The following RAPGEFL1 variants were observed in gnomAD, a reference collection of about 807,000 sequenced individuals.
RAPGEFL1 encodes the protein Rap guanine nucleotide exchange factor like 1.
RAPGEFL1 carries 31 observed loss-of-function variants against 64.4 expected under a neutral mutation model. The observed-to-expected ratio is 0.48, with a 90% confidence interval of 0.36 to 0.65. The LOEUF (loss-of-function observed/expected upper bound fraction) is 0.65. RAPGEFL1 is among the 30% of genes least tolerant of loss of function. The probability of loss-of-function intolerance (pLI) is 0.00; values close to 1 mark genes in which losing one functional copy is unlikely to be tolerated. For synonymous variants in RAPGEFL1, 331 were observed against 274.1 expected, an observed-to-expected ratio of 1.21 and a Z score of -2.05; for missense variants, 682 against 677.4, an observed-to-expected ratio of 1.01 and a Z score of -0.08.
At position 40,192,925 on chromosome 17, in the gene RAPGEFL1, G is replaced by A; in HGVS notation, c.1745-1G>A. On this transcript the variant is annotated splice_acceptor_variant, in intron 12 of 14. Transcript: ENST00000620260. LOFTEE classifies it high-confidence loss of function. ...CATTGGATTCTCTCCACATCCCCTAGACCTGACTTTCCTGCACGAAGGGAG... is the reference window on the plus strand; with the variant it reads ...CATTGGATTCTCTCCACATCCCCTAAACCTGACTTTCCTGCACGAAGGGAG... 1 of 1,611,942 alleles carries A rather than the reference G, an allele frequency of 6.2e-7. No homozygotes were observed. The highest frequency in any genetic ancestry group is 8.5e-7 in the Non-Finnish European group (1 of 1,178,050).
rs749240931 is a variant in RAPGEFL1, at chr17:40,193,688, A to G, written c.1889A>G (p.Asn630Ser). 3.4e-5 allele frequency: 55 copies of G among 1,613,948 alleles called. No homozygotes were observed. The East Asian group carries it at 4.5e-4, about 13-fold the overall frequency. The change falls in exon 15 of 15, where the codon AAT becomes AGT. Residue 630 changes from asparagine to serine, a missense_variant. This residue lies in a region of RAPGEFL1 where 411 missense variants were observed against 519.4 expected (regional missense o/e 0.79). Coordinates refer to ENST00000620260, the MANE Select transcript of RAPGEFL1 (RefSeq NM_016339.6). ...GGCCTGGACATGGAGGCATCCCCCA[A>G]TCACCTGCAGACCAAGGCCTATGTG... ...PLCLDMEASP[N>S]HLQTKAYVRQ... is the part of the protein sequence containing the mutation.
At position 40,193,899 on chromosome 17, in the gene RAPGEFL1, T is replaced by A. The variant is rs1427652084; in HGVS notation, c.*111T>A. ...TCTTTCCCGTGGAGCAACTTCCTGCTCCACGGGAAAGAGGTCGATGGATTT... is the reference window on the plus strand; with the variant it reads ...TCTTTCCCGTGGAGCAACTTCCTGCACCACGGGAAAGAGGTCGATGGATTT... On this transcript the variant is annotated 3_prime_UTR_variant, in exon 15 of 15. Transcript: ENST00000620260. The A allele has an allele frequency of 6.9e-7, 1 of 1,440,632 alleles. No homozygotes were observed. Among genetic ancestry groups the A allele is most frequent in the Non-Finnish European group, 9.4e-7 (1 of 1,067,608 alleles). 89.2% of individuals were successfully genotyped at this position (1,440,632 alleles called of 1,614,324 possible).
chr17:40,191,423 C>T lies in RAPGEFL1; in HGVS notation c.1443C>T (p.Thr481=), dbSNP rs755737870. ...GCGAGGTCACGCACTGGGTGGCCAC[C>T]GAAGTGCTGCTCTGCGAGGCCCCGG... The part of the protein sequence containing the change: ...RCSEVTHWVA[T]EVLLCEAPGK... The change falls in exon 9 of 15, where the codon ACC becomes ACT. Residue 481 remains threonine, a synonymous_variant. Transcript: ENST00000620260. This position sits in a 1 kb window ranked among gnomAD's most constrained non-coding sequence, Gnocchi z 5.1. 2 of 1,605,678 alleles carry T rather than the reference C, an allele frequency of 1.2e-6. No homozygotes were observed. Among genetic ancestry groups the T allele is most frequent in the Non-Finnish European group, 8.5e-7 (1 of 1,178,412 alleles).
chr17:40,192,670 C>T lies in RAPGEFL1; in HGVS notation c.1721C>T (p.Pro574Leu). The change falls in exon 12 of 15, where the codon CCC becomes CTC. Residue 574 changes from proline to leucine, a missense_variant. Pro to Leu is a moderately conservative substitution (Grantham distance 98). Around this residue, in one of 2 missense-constraint regions of RAPGEFL1, gnomAD observed 411 missense variants for 519.4 expected, o/e 0.79. Transcript: ENST00000620260. ...TCCAAAATGAAGCCCCCTGTGATTC[C>T]CTTCGTGCCTCTGATCCTCAAAGGT... ...VISKMKPPVI[P>L]FVPLILKDLT... The T allele has an allele frequency of 6.2e-7, 1 of 1,613,858 alleles. No individual in the cohort carries two copies. The highest frequency in any genetic ancestry group is 8.5e-7 in the Non-Finnish European group (1 of 1,179,882).
chr17:40,178,437 C>T, intron 1 of RAPGEFL1, 56 bp downstream of exon 1: 1 of 467,846 alleles, frequency 2.1e-6, no homozygotes, highest in Non-Finnish European at 3.8e-6. Flanking sequence ...GGCTCCTCTT[C>T]CTTGCCCTTG....
At position 40,193,434 on chromosome 17, in the gene RAPGEFL1, C is replaced by T. The variant is rs1442414925; in HGVS notation, c.1864+17C>T. 1 of 1,613,898 alleles carries T rather than the reference C, an allele frequency of 6.2e-7. No individual in the cohort carries two copies. Among genetic ancestry groups the T allele is most frequent in the African/African-American group, 1.3e-5 (1 of 74,922 alleles). Reference sequence around the variant, plus strand: ...GGCCCCTTTGTGAGTACCCAGGGTACTGAGAGCAGTACAGATAGAGCTTTG... The same window carrying T: ...GGCCCCTTTGTGAGTACCCAGGGTATTGAGAGCAGTACAGATAGAGCTTTG... On this transcript the variant is annotated intron_variant, in intron 14 of 14. Coordinates refer to ENST00000620260, the MANE Select transcript of RAPGEFL1 (RefSeq NM_016339.6).
chr17:40,191,800 G>T lies in RAPGEFL1; in HGVS notation c.1605+128G>T, dbSNP rs1441788593. 1.9e-5 allele frequency: 17 copies of T among 915,490 alleles called. No homozygotes were observed. The allele number at this position is 915,490 out of a possible 1,614,324, so 56.7% of individuals were successfully genotyped here. ...CAGTTGGAGGGAGGCGCCCTCTTCT[G>T]GCATACGCAACCCCAGGGCGCACAG... On this transcript the variant is annotated intron_variant, in intron 10 of 14. Transcript: ENST00000620260. The surrounding 1 kb of genome is among the most constrained non-coding windows in gnomAD (Gnocchi z 5.1).
rs949761961 is a variant in RAPGEFL1 at position 40,192,660 on chromosome 17, C to T, written c.1711C>T (p.Pro571Ser). The change falls in exon 12 of 15, where the codon CCT (proline) becomes TCT (serine). Residue 571 changes from proline (P) to serine (S), a missense_variant. Pro to Ser is a moderately conservative substitution (Grantham distance 74). Coordinates refer to ENST00000620260, the MANE Select transcript of RAPGEFL1 (RefSeq NM_016339.6). ...YREVISKMKP[P>S]VIPFVPLILK... Reference sequence around the variant, plus strand: ...AGAAGTGATCTCCAAAATGAAGCCCCCTGTGATTCCCTTCGTGCCTCTGAT... The same window carrying T: ...AGAAGTGATCTCCAAAATGAAGCCCTCTGTGATTCCCTTCGTGCCTCTGAT... 1 of 1,613,984 alleles carries T rather than the reference C, an allele frequency of 6.2e-7. No individual in the cohort carries two copies.
intron 4 of RAPGEFL1, among the ~76,000 whole-genome samples, chr17:40,186,574 CAAAAAAAAAAAAA>C (rs146110920): frequency 0.15 from 3,987 of 26,676 alleles, 306 homozygotes; most frequent in African/African-American, 0.34. Flanking sequence ...GACTCCGTCT[CAAAAAAAAAAAAA>C]AAAAAAAAAA....
intron 6 of RAPGEFL1, among the ~76,000 whole-genome samples, chr17:40,189,662 C>T (rs916868089): frequency 5.9e-5 from 9 of 152,048 alleles, no homozygotes; most frequent in African/African-American, 2.2e-4. Context: ...AGGCACTGCG[C>T]CCTATCCTGG....
chr17:40,190,650 C>T lies in RAPGEFL1; in HGVS notation c.1223C>T (p.Pro408Leu). The T allele has an allele frequency of 6.2e-7, 1 of 1,614,102 alleles. No individual in the cohort carries two copies. The highest frequency in any genetic ancestry group is 8.5e-7 in the Non-Finnish European group (1 of 1,179,968). Residue 408 changes from proline to leucine, a missense_variant, in exon 8 of 15, where the codon CCC becomes CTC. Around this residue, in one of 2 missense-constraint regions of RAPGEFL1, gnomAD observed 411 missense variants for 519.4 expected, o/e 0.79. Coordinates refer to ENST00000620260, the MANE Select transcript of RAPGEFL1 (RefSeq NM_016339.6). ...CCTGCCTGCCACCAGGTGCCCCTCC[C>T]CGAGGAGATCCAGGTCTCCCCTGGA... ...RDSYEALVPLPEEIQVSPGDT... is the reference protein window; with the variant it reads ...RDSYEALVPLLEEIQVSPGDT...
chr17:40,193,028 TG>T (rs748285183), intron 13 of RAPGEFL1, 38 bp downstream of exon 13: 1 of 1,565,082 alleles, frequency 6.4e-7, no homozygotes, highest in East Asian at 2.2e-5. Context: ...GTCCCACAAG[TG>T]GGGGGCTTGC....
At position 40,192,639 on chromosome 17, in the gene RAPGEFL1, G is replaced by A; in HGVS notation, c.1690G>A (p.Val564Met). The change falls in exon 12 of 15, where the codon GTG becomes ATG. Residue 564 changes from valine to methionine, a missense_variant. By Grantham distance (21) the Val-to-Met change is conservative. Around this residue, in one of 2 missense-constraint regions of RAPGEFL1, gnomAD observed 411 missense variants for 519.4 expected, o/e 0.79. Transcript: ENST00000620260. ...PCRNHKSYREVISKMKPPVIP... is the reference protein window; with the variant it reads ...PCRNHKSYREMISKMKPPVIP... ...CAGGAACCACAAAAGCTACCGAGAA[G>A]TGATCTCCAAAATGAAGCCCCCTGT... 6.2e-7 allele frequency: 1 copy of A among 1,614,052 alleles called. No individual in the cohort carries two copies.
chr17:40,186,591 A>T (rs1358530186), intron 4 of RAPGEFL1, among the ~76,000 whole-genome samples: 3,708 of 137,998 alleles, frequency 0.027, 217 homozygotes, highest in African/African-American at 0.097. Context: ...AAAAAAAAAA[A>T]AAAAAAAAAA....
intron 4 of RAPGEFL1, among the ~76,000 whole-genome samples, chr17:40,186,460 C>T (rs1400616862): frequency 3.3e-5 from 5 of 150,234 alleles, no homozygotes; most frequent in East Asian, 2.0e-4. Flanking sequence ...CCCAGCTACT[C>T]GGGAGGCTGA....
intron 1 of RAPGEFL1, chr17:40,181,163 A>G (rs1319817653): frequency 2.1e-5 from 8 of 373,226 alleles, no homozygotes; most frequent in Non-Finnish European, 2.7e-5. Flanking sequence ...TTAGAACTCA[A>G]AGCTGTTAGG....
intron 10 of RAPGEFL1, among the ~76,000 whole-genome samples, 171 bp from the exon 11 acceptor site, chr17:40,192,042 G>A (rs1990293699): frequency 6.6e-6 from 1 of 152,146 alleles, no homozygotes; most frequent in Admixed American, 6.6e-5. Flanking sequence ...GCTGTTTCAA[G>A]CCTCTAGACT....
Position 40,191,938 on chromosome 17 carries a change from G to A in RAPGEFL1, c.1605+266G>A, listed in dbSNP as rs1467941876. Among the ~76,000 whole-genome samples, 1 of 152,212 alleles carries A rather than the reference G, an allele frequency of 6.6e-6. No homozygotes were observed. The highest frequency in any genetic ancestry group is 1.5e-5 in the Non-Finnish European group (1 of 68,032). On this transcript the variant is annotated intron_variant, in intron 10 of 14. Transcript: ENST00000620260. This position sits in a 1 kb window ranked among gnomAD's most constrained non-coding sequence, Gnocchi z 5.1. The stretch of plus-strand genomic sequence containing the variant: ...GTCGCAGACTTGGCTGTGGGAGTTG[G>A]GCTGATTTTCATCCACACTCAGTGG...
intron 3 of RAPGEFL1, 85 bp from the exon 4 acceptor site, chr17:40,184,496 G>A: frequency 6.2e-6 from 7 of 1,131,840 alleles, no homozygotes; most frequent in East Asian, 2.5e-5. Flanking sequence ...GTGCTTAAAG[G>A]TATGGAGACC....
Sources: gnomAD v4.1 joint callset for allele counts (sites outside exome capture counted in the v4.1 genomes callset) on GRCh38, gnomAD v4.1.1 for gene constraint, gnomAD v4.1.1 regional missense constraint, Gnocchi (gnomAD v3.1) non-coding constraint, MANE v1.5 for transcripts, NCBI Gene and HGNC (gene_info 2026-07-23, HGNC 2026-07-21) for gene names.